COL21A1: variants seen among roughly 807,000 people sequenced by gnomAD.
The protein encoded by COL21A1 is collagen type XXI alpha 1 chain, also known as collagen alpha-1(XXI) chain.
In COL21A1, 149 loss-of-function variants were observed where a neutral mutation model predicts 137.9. The ratio of observed to expected loss-of-function variants is 1.08; its 90% CI spans 0.95 to 1.24. The LOEUF (loss-of-function observed/expected upper bound fraction) is 1.24, where lower values mean the gene tolerates loss of function less well. Ranked by LOEUF, COL21A1 falls within the 50% of genes most tolerant of loss-of-function variation. The pLI, the probability that COL21A1 is intolerant of heterozygous loss-of-function variation, is 0.00. For missense variants in COL21A1, 1,167 were observed against 1,158.4 expected (o/e 1.01, Z -0.11); for synonymous variants, 456 against 391.5 (o/e 1.16, Z -1.95).
intron 25 of COL21A1, chr6:56,061,275 T>TA: frequency 1.9e-6 from 1 of 525,500 alleles, no homozygotes; most frequent in South Asian, 3.0e-5. Flanking sequence ...TGATTGAGTA[T>TA]ATTGTATAGG....
At chr6:56,274,585 T>C (rs1763598541) in intron 1 of COL21A1, among the ~76,000 whole-genome samples, 1 of 151,674 alleles carries the variant, frequency 6.6e-6, no homozygotes, top group African/African-American at 2.4e-5. Flanking sequence ...AAGCTAAGAG[T>C]AAAACCAAGA....
chr6:56,219,041 A>G (rs891798991), intron 1 of COL21A1, among the ~76,000 whole-genome samples: 6 of 151,952 alleles, frequency 3.9e-5, no homozygotes, highest in Admixed American at 3.9e-4. Flanking sequence ...AAAATCAAAA[A>G]TATCATCGTT....
chr6:56,127,042 T>C (rs1773105526), intron 12 of COL21A1, among the ~76,000 whole-genome samples: 1 of 152,144 alleles, frequency 6.6e-6, no homozygotes, highest in Non-Finnish European at 1.5e-5. Flanking sequence ...TCCACATCTC[T>C]TTGAGTTCAA....
intron 8 of COL21A1, 140 bp downstream of exon 8, chr6:56,164,674 C>G: frequency 1.2e-6 from 1 of 850,038 alleles, no homozygotes. Flanking sequence ...TCACAAAAAT[C>G]TATAAATATT....
intron 1 of COL21A1, among the ~76,000 whole-genome samples, chr6:56,314,689 G>A (rs1238474904): frequency 6.6e-6 from 1 of 152,096 alleles, no homozygotes; most frequent in African/African-American, 2.4e-5. Flanking sequence ...AGTTTTCATA[G>A]CTCCAACTTT....
chr6:56,313,288 T>C (rs532279695), intron 1 of COL21A1, among the ~76,000 whole-genome samples: 40 of 152,206 alleles, frequency 2.6e-4, no homozygotes, highest in Non-Finnish European at 4.9e-4. Context: ...GAGAACAGAC[T>C]AGTTGTTCTC....
At chr6:56,069,161 T>A in intron 21 of COL21A1, 44 bp from the exon 22 acceptor site, 1 of 1,318,310 alleles carries the variant, frequency 7.6e-7, no homozygotes, top group Non-Finnish European at 1.1e-6. Flanking sequence ...ATCTACTGCT[T>A]ATGAAAAGCA....
chr6:56,216,674 T>C (rs1342351549), intron 1 of COL21A1, among the ~76,000 whole-genome samples: 3 of 152,024 alleles, frequency 2.0e-5, no homozygotes, highest in Non-Finnish European at 4.4e-5. Flanking sequence ...CAAGAGAAGA[T>C]TCCAGTTCAA....
At chr6:56,145,635 TTA>T (rs1337308463) in intron 10 of COL21A1, among the ~76,000 whole-genome samples, 1 of 143,844 alleles carries the variant, frequency 7.0e-6, no homozygotes, top group Non-Finnish European at 1.5e-5. Context: ...AATAAGCTTT[TTA>T]TATACCTTAT....
chr6:56,163,109 A>G (rs1219772885), intron 9 of COL21A1, among the ~76,000 whole-genome samples: 2 of 152,346 alleles, frequency 1.3e-5, no homozygotes, highest in African/African-American at 4.8e-5. Context: ...GAATTAAATT[A>G]TCTTGGACCA....
chr6:56,123,690 GC>G (rs1170318905), intron 16 of COL21A1, among the ~76,000 whole-genome samples: 2 of 152,156 alleles, frequency 1.3e-5, no homozygotes, highest in African/African-American at 4.8e-5. Context: ...ATGCTCTCAT[GC>G]CCATACCACA....
chr6:56,090,253 T>C (rs1206192462), intron 17 of COL21A1, among the ~76,000 whole-genome samples: 1 of 152,086 alleles, frequency 6.6e-6, no homozygotes, highest in Non-Finnish European at 1.5e-5. Context: ...AAAAGATTTC[T>C]TAGAACAACA....
intron 3 of COL21A1, among the ~76,000 whole-genome samples, chr6:56,177,233 G>T (rs549990130): frequency 6.6e-6 from 1 of 151,962 alleles, no homozygotes; most frequent in South Asian, 2.1e-4. Flanking sequence ...GAAATAATAG[G>T]TCCATAAAGA....
At chr6:56,175,195 T>C (rs1242480849) in intron 3 of COL21A1, among the ~76,000 whole-genome samples, 6 of 152,052 alleles carry the variant, frequency 3.9e-5, no homozygotes, top group South Asian at 4.1e-4. Context: ...TCACACTCAA[T>C]GATAAAATGT....
intron 9 of COL21A1, among the ~76,000 whole-genome samples, chr6:56,162,586 A>G (rs1208655349): frequency 6.6e-6 from 1 of 152,128 alleles, no homozygotes; most frequent in Non-Finnish European, 1.5e-5. Context: ...CCAAAAGTGA[A>G]CAGCCCCTTG....
intron 1 of COL21A1, among the ~76,000 whole-genome samples, chr6:56,330,333 T>G (rs1765189488): frequency 6.6e-6 from 1 of 152,104 alleles, no homozygotes; most frequent in Non-Finnish European, 1.5e-5. Context: ...GAATACATTT[T>G]TAAACACTAA....
chr6:56,114,060 G>A (rs537777351), intron 16 of COL21A1, among the ~76,000 whole-genome samples: 86 of 152,334 alleles, frequency 5.6e-4, no homozygotes, highest in Admixed American at 1.5e-3. Context: ...AGTATACCAG[G>A]TAGACATCTA....
chr6:56,138,809 G>A (rs1774189627), intron 12 of COL21A1, among the ~76,000 whole-genome samples: 1 of 152,092 alleles, frequency 6.6e-6, no homozygotes, highest in South Asian at 2.1e-4. Flanking sequence ...ACAGGGAAAT[G>A]GCCTGGTAGC....
chr6:56,141,989 G>T lies in COL21A1; in HGVS notation c.1435-6C>A. ...CCTGCAATTCCCTGATATCCCTAAA[G>T]AAAAATTTAAAAAGAAAAAAAATAA... On this transcript the variant is annotated splice_polypyrimidine_tract_variant and splice_region_variant and intron_variant, in intron 10 of 29. Coordinates refer to ENST00000244728, the MANE Select transcript of COL21A1 (RefSeq NM_030820.4). The T allele has an allele frequency of 6.6e-7, 1 of 1,508,816 alleles. No individual in the cohort carries two copies. The highest frequency in any genetic ancestry group is 8.9e-7 in the Non-Finnish European group (1 of 1,122,008). The allele number at this position is 1,508,816 out of a possible 1,614,324, so 93.5% of individuals were successfully genotyped here.
Sources: allele counts gnomAD v4.1 joint callset (sites outside exome capture counted in the v4.1 genomes callset), GRCh38; gene constraint gnomAD v4.1.1; transcripts MANE v1.5; gene names NCBI Gene and HGNC (gene_info 2026-07-23, HGNC 2026-07-21).